Variants in DOCK10 observed in about 807,000 individuals in gnomAD.
DOCK10 encodes the protein dedicator of cytokinesis 10.
Under a neutral mutation model 280.1 loss-of-function variants are expected in DOCK10, and 145 were observed. The observed-to-expected ratio is 0.52, with a 90% CI of 0.45 to 0.59. DOCK10 has a LOEUF of 0.59. DOCK10 is among the 20% of genes least tolerant of loss of function. The pLI is 0.00. For missense variants in DOCK10, 2,368 were observed against 2,651.7 expected (o/e 0.89, Z 2.35); for synonymous variants, 915 against 942.2 (o/e 0.97, Z 0.53).
intron 18 of DOCK10, among the ~76,000 whole-genome samples, chr2:224,851,301 C>T (rs1696713905): frequency 6.6e-6 from 1 of 152,140 alleles, no homozygotes; most frequent in South Asian, 2.1e-4. Flanking sequence ...CTCACAAAAA[C>T]ACTGCTCTAC....
intron 1 of DOCK10, among the ~76,000 whole-genome samples, chr2:224,950,765 T>A (rs1431949003): frequency 1.3e-5 from 2 of 152,188 alleles, no homozygotes; most frequent in Non-Finnish European, 2.9e-5. Flanking sequence ...CAGAAAGTCA[T>A]GAAAATAACT....
intron 1 of DOCK10, among the ~76,000 whole-genome samples, chr2:224,985,509 T>C (rs1030231968): frequency 1.1e-4 from 16 of 151,824 alleles, no homozygotes; most frequent in Admixed American, 2.6e-4. Context: ...GTAGCCTTAA[T>C]GCTCATAGGA....
rs1559623439 is a variant in DOCK10, at chr2:224,874,063, A to G, written c.1190T>C (p.Ile397Thr). Reference sequence around the variant, plus strand: ...AAGATTTGAGTTGAGGGCTTTACAGATGATCATGATTCTCTTGGCAGCTTT... The same window carrying G: ...AAGATTTGAGTTGAGGGCTTTACAGGTGATCATGATTCTCTTGGCAGCTTT... The part of the protein sequence containing the change: ...EEKAAKRIMI[I>T]CKALNSNLQG... Residue 397 changes from isoleucine (I) to threonine (T), a missense_variant, in exon 11 of 56, where the codon ATC becomes ACC. Ile to Thr is a moderately conservative substitution (Grantham distance 89). Transcript: ENST00000258390. 1.9e-6 allele frequency: 3 copies of G among 1,613,532 alleles called. No homozygotes were observed. Among genetic ancestry groups the G allele is most frequent in the Non-Finnish European group, 2.5e-6 (3 of 1,179,792 alleles).
chr2:224,813,687 A>G (rs1693937262), intron 31 of DOCK10, among the ~76,000 whole-genome samples: 1 of 152,220 alleles, frequency 6.6e-6, no homozygotes, highest in Non-Finnish European at 1.5e-5. Flanking sequence ...AATGACCAAT[A>G]GCAAATTAAA....
chr2:225,036,693 T>A (rs1690268711), intron 1 of DOCK10, among the ~76,000 whole-genome samples: 1 of 152,236 alleles, frequency 6.6e-6, no homozygotes, highest in South Asian at 2.1e-4. Context: ...ATCTTGTCTC[T>A]TAAGTTTCAG....
chr2:224,771,839 G>T (rs1159019760), intron 53 of DOCK10, among the ~76,000 whole-genome samples: 1 of 15,770 alleles, frequency 6.3e-5, no homozygotes, highest in Non-Finnish European at 1.6e-4. Context: ...CTCAGCCCAT[G>T]GGGGACACAG....
chr2:224,967,123 A>T (rs560405417), intron 1 of DOCK10, among the ~76,000 whole-genome samples: 32 of 144,936 alleles, frequency 2.2e-4, no homozygotes, highest in East Asian at 1.7e-3. Context: ...TCTGTCGCCC[A>T]GGCTGGAGTG....
chr2:224,999,808 G>A (rs142027957), intron 1 of DOCK10, among the ~76,000 whole-genome samples: 4 of 151,392 alleles, frequency 2.6e-5, no homozygotes, highest in African/African-American at 4.9e-5. Context: ...CCAAAGAAGC[G>A]GCGGTTCCAA....
intron 48 of DOCK10, among the ~76,000 whole-genome samples, 183 bp from the exon 49 acceptor site, chr2:224,787,580 G>A (rs536154000): frequency 1.3e-5 from 2 of 152,178 alleles, no homozygotes; most frequent in South Asian, 2.1e-4. Context: ...TACCTAATTC[G>A]TGCCCCAAAA....
chr2:224,921,113 ATATAT>A lies in DOCK10; in HGVS notation c.244-4334_244-4330del, dbSNP rs1205945995. 6.7e-5 allele frequency among the ~76,000 whole-genome samples: 5 copies of A among 74,330 alleles called. No individual in the cohort carries two copies. In the South Asian group the frequency reaches 2.0e-3, roughly 30 times the overall value. The allele number at this position is 74,330 out of a possible 152,430, so 48.8% of individuals were successfully genotyped here. ...CTATTAAAAAAAAAAAAAAAAAAAA[ATATAT>A]ATATATATATATATATAATGTATAT... On this transcript the variant is annotated intron_variant, in intron 2 of 55. Coordinates refer to ENST00000258390, the MANE Select transcript of DOCK10 (RefSeq NM_014689.3).
intron 4 of DOCK10, among the ~76,000 whole-genome samples, chr2:224,887,168 G>A (rs1175941566): frequency 1.3e-5 from 2 of 152,114 alleles, no homozygotes; most frequent in Non-Finnish European, 2.9e-5. Context: ...ACATTTGTAG[G>A]TGGAATCACT....
chr2:224,850,378 A>G (rs1223179696), intron 18 of DOCK10, among the ~76,000 whole-genome samples: 2 of 152,110 alleles, frequency 1.3e-5, no homozygotes, highest in Non-Finnish European at 2.9e-5. Flanking sequence ...GAATTGAACA[A>G]TTATGAGGGT....
intron 11 of DOCK10, among the ~76,000 whole-genome samples, chr2:224,866,925 A>G (rs529444702): frequency 1.3e-5 from 2 of 152,194 alleles, no homozygotes; most frequent in South Asian, 4.1e-4. Context: ...GGCTTATCCT[A>G]TACTACTCAT....
At chr2:224,867,075 T>TACACACACACACAC (rs61496329) in intron 11 of DOCK10, among the ~76,000 whole-genome samples, 28 of 144,348 alleles carry the variant, frequency 1.9e-4, no homozygotes, top group African/African-American at 7.2e-4. Context: ...AGCTAAGAAA[T>TACACACACACACAC]ACACACACAC....
At chr2:224,819,688 TC>T in intron 28 of DOCK10, among the ~76,000 whole-genome samples, 159 bp from the exon 29 acceptor site, 1 of 152,250 alleles carries the variant, frequency 6.6e-6, no homozygotes, top group Middle Eastern at 3.4e-3. Context: ...TAAGCAGTCA[TC>T]CACATATGGC....
intron 52 of DOCK10, among the ~76,000 whole-genome samples, chr2:224,774,043 T>C (rs1373252766): frequency 6.6e-6 from 1 of 152,246 alleles, no homozygotes; most frequent in Admixed American, 6.5e-5. Flanking sequence ...CCAAGTAGTA[T>C]ATATTGATAT....
chr2:224,897,568 T>A (rs1700058097), intron 3 of DOCK10, among the ~76,000 whole-genome samples: 1 of 152,128 alleles, frequency 6.6e-6, no homozygotes, highest in Non-Finnish European at 1.5e-5. Flanking sequence ...CAGCCTCCGG[T>A]AACCACCCTT....
At position 224,931,414 on chromosome 2, in the gene DOCK10, G is replaced by A. The variant is rs371445864; in HGVS notation, c.243+135C>T. 1.0e-4 allele frequency: 102 copies of A among 994,282 alleles called. No homozygotes were observed. In the South Asian group the frequency reaches 1.9e-3, roughly 18 times the overall value. 61.6% of individuals were successfully genotyped at this position (994,282 alleles called of 1,614,324 possible). A position where few individuals can be genotyped will look rare whatever the true frequency, so the allele number is the denominator to read the frequency against. ...CCTGGGGTACTTTCTATTATAGGAT[G>A]TGAACTCCTGCTGCAGAGACTGAGA... is the stretch of plus-strand genomic sequence containing the variant. On this transcript the variant is annotated intron_variant, in intron 2 of 55. Transcript: ENST00000258390.
intron 33 of DOCK10, among the ~76,000 whole-genome samples, chr2:224,806,902 T>C (rs534267513): frequency 1.0e-3 from 154 of 152,266 alleles, no homozygotes; most frequent in Non-Finnish European, 2.0e-3. Context: ...TGAGTCACCA[T>C]ACCTGGCCTA....
Sources: allele counts gnomAD v4.1 joint callset (sites outside exome capture counted in the v4.1 genomes callset), GRCh38; gene constraint gnomAD v4.1.1; transcripts MANE v1.5; gene names NCBI Gene and HGNC (gene_info 2026-07-23, HGNC 2026-07-21).